Variants in ZAP70 observed in about 807,000 individuals in gnomAD.
ZAP70 encodes the protein zeta chain of T cell receptor associated protein kinase 70, also known as tyrosine-protein kinase ZAP-70.
A neutral mutation model predicts 65.8 loss-of-function variants in ZAP70; 27 were observed. That is an observed-to-expected ratio of 0.41 (90% CI 0.30 to 0.57). ZAP70 has a LOEUF of 0.57. Among genes scored for constraint, ZAP70 ranks in the 20% least tolerant of loss-of-function variants. The pLI is 0.28. For missense variants in ZAP70, 696 were observed against 870.5 expected (o/e 0.80, Z 2.52); for synonymous variants, 363 against 360.8 (o/e 1.01, Z -0.07).
rs574934277 is a variant in ZAP70, at chr2:97,715,710, A to G, written c.-22+1716A>G. On this transcript the variant is annotated intron_variant, in intron 2 of 13. Transcript: ENST00000264972. The surrounding 1 kb of genome is among the most constrained non-coding windows in gnomAD (Gnocchi z 4.1). Reference sequence around the variant, plus strand: ...ATCCTGGTGGCCCCTTGCAGGCTGCATGTTCTGAGAGTGACATTGACCTCT... The same window carrying G: ...ATCCTGGTGGCCCCTTGCAGGCTGCGTGTTCTGAGAGTGACATTGACCTCT... Among the ~76,000 whole-genome samples the G allele has an allele frequency of 2.8e-4, 43 of 152,298 alleles. No homozygotes were observed. Among genetic ancestry groups the G allele is most frequent in the Non-Finnish European group, 5.9e-4 (40 of 68,030 alleles).
chr2:97,724,180 G>A lies in ZAP70; in HGVS notation c.144G>A (p.Leu48=). The part of the protein sequence containing the change: ...QCLRSLGGYV[L]SLVHDVRFHH... ...TGCGCTCGCTGGGCGGCTATGTGCTGTCGCTCGTGCACGATGTGCGCTTCC... is the reference window on the plus strand; with the variant it reads ...TGCGCTCGCTGGGCGGCTATGTGCTATCGCTCGTGCACGATGTGCGCTTCC... The change falls in exon 3 of 14, where the codon CTG becomes CTA. Residue 48 remains leucine, a synonymous_variant. Transcript: ENST00000264972. 1.3e-6 allele frequency: 2 copies of A among 1,593,502 alleles called. No individual in the cohort carries two copies. Among genetic ancestry groups the A allele is most frequent in the Non-Finnish European group, 1.7e-6 (2 of 1,171,406 alleles).
the ZAP70 span, among the ~76,000 whole-genome samples, chr2:97,754,832 C>T: frequency 6.6e-6 from 1 of 152,216 alleles, no homozygotes; most frequent in Non-Finnish European, 1.5e-5. Context: ...TGCAAGTGCA[C>T]GTAGGAAACC....
chr2:97,720,297 G>A (rs1215360202), intron 2 of ZAP70, among the ~76,000 whole-genome samples: 6 of 151,876 alleles, frequency 4.0e-5, no homozygotes, highest in African/African-American at 1.2e-4. Context: ...GTGCGATCTC[G>A]GCTCACTGCA....
At chr2:97,732,835 G>A in intron 4 of ZAP70, 48 bp from the exon 5 acceptor site, 28 of 1,611,688 alleles carry the variant, frequency 1.7e-5, no homozygotes, top group Non-Finnish European at 2.2e-5. Context: ...CACAGCAGGA[G>A]GCCCCCAGGT....
downstream of ZAP70, among the ~76,000 whole-genome samples, chr2:97,743,879 T>C (rs1678186700): frequency 6.6e-6 from 1 of 152,200 alleles, no homozygotes; most frequent in South Asian, 2.1e-4. Flanking sequence ...CTTCATACAT[T>C]AGGGGGCCCT....
the ZAP70 span, among the ~76,000 whole-genome samples, chr2:97,746,315 ATAT>A: frequency 1.3e-5 from 2 of 152,154 alleles, no homozygotes; most frequent in African/African-American, 2.4e-5. Context: ...AAAATGACAA[ATAT>A]TATTAAATAT....
the ZAP70 span, among the ~76,000 whole-genome samples, chr2:97,747,190 C>T: frequency 6.6e-6 from 1 of 152,298 alleles, no homozygotes; most frequent in South Asian, 2.1e-4. Context: ...CCATCTGACC[C>T]AGGAATTCCA....
intron 4 of ZAP70, among the ~76,000 whole-genome samples, chr2:97,725,760 C>A (rs1040812541): frequency 2.0e-5 from 3 of 152,118 alleles, no homozygotes; most frequent in African/African-American, 7.2e-5. Context: ...CAGAAGAGGC[C>A]TTCCTGAGAA....
chr2:97,733,368 G>A (rs1262228977), intron 7 of ZAP70, 25 bp downstream of exon 7: 1 of 1,590,314 alleles, frequency 6.3e-7, no homozygotes, highest in Admixed American at 1.7e-5. Context: ...CCTGGAGTGT[G>A]GCCTTGGGGA....
At chr2:97,753,965 G>A in the ZAP70 span, among the ~76,000 whole-genome samples, 2 of 152,208 alleles carry the variant, frequency 1.3e-5, no homozygotes, top group African/African-American at 4.8e-5. Flanking sequence ...ACTTCAGCCT[G>A]GGCGACAGAG....
intron 2 of ZAP70, among the ~76,000 whole-genome samples, chr2:97,719,373 G>A (rs1334947739): frequency 6.6e-6 from 1 of 151,662 alleles, no homozygotes; most frequent in African/African-American, 2.4e-5. Context: ...TGAGCAGGAT[G>A]GTCAGAGGGC....
the ZAP70 span, among the ~76,000 whole-genome samples, chr2:97,749,924 G>A: frequency 6.6e-6 from 1 of 152,218 alleles, no homozygotes; most frequent in Non-Finnish European, 1.5e-5. Flanking sequence ...CCTGCCAAAT[G>A]AGTTCCATCC....
Position 97,737,629 on chromosome 2 carries a change from C to T in ZAP70, c.1446C>T (p.Leu482=). The change falls in exon 11 of 14, where the codon CTC becomes CTT. Residue 482 remains leucine (L), a synonymous_variant. Coordinates refer to ENST00000264972, the MANE Select transcript of ZAP70 (RefSeq NM_001079.4). The surrounding 1 kb of genome is among the most constrained non-coding windows in gnomAD (Gnocchi z 5.0). ...RHYAKISDFG[L]SKALGADDSY... Reference sequence around the variant, plus strand: ...ACGCCAAGATCAGCGACTTTGGCCTCTCCAAAGCACTGGGTGCCGACGACA... The same window carrying T: ...ACGCCAAGATCAGCGACTTTGGCCTTTCCAAAGCACTGGGTGCCGACGACA... 6.2e-7 allele frequency: 1 copy of T among 1,614,082 alleles called. No homozygotes were observed. Among genetic ancestry groups the T allele is most frequent in the Non-Finnish European group, 8.5e-7 (1 of 1,179,996 alleles).
the ZAP70 span, among the ~76,000 whole-genome samples, chr2:97,745,132 G>A: frequency 6.6e-6 from 1 of 152,088 alleles, no homozygotes; most frequent in South Asian, 2.1e-4. Flanking sequence ...TCTGCCTCCC[G>A]GGCTCAAGCA....
Position 97,739,639 on chromosome 2 carries a change from G to A in ZAP70, c.*141G>A, listed in dbSNP as rs1573293386. On this transcript the variant is annotated 3_prime_UTR_variant, in exon 14 of 14. Coordinates refer to ENST00000264972, the MANE Select transcript of ZAP70 (RefSeq NM_001079.4). ...GGTAGGGGGTGTCTCAGGCCACACC[G>A]GCCTTGCATTGCCTGCCTGGCCCCC... 7.6e-6 allele frequency: 10 copies of A among 1,311,942 alleles called. No individual in the cohort carries two copies. The highest frequency in any genetic ancestry group is 8.3e-6 in the Non-Finnish European group (8 of 964,744). The allele number at this position is 1,311,942 out of a possible 1,614,324, so 81.3% of individuals were successfully genotyped here.
At position 97,734,750 on chromosome 2, in the gene ZAP70, T is replaced by G. The variant is rs1052946031; in HGVS notation, c.1082+38T>G. ...CTGCCGTGGTGGGAGCACCGCCGCCTGGGGCAGAGGGGAGTGGCTTCACCG... is the reference window on the plus strand; with the variant it reads ...CTGCCGTGGTGGGAGCACCGCCGCCGGGGGCAGAGGGGAGTGGCTTCACCG... On this transcript the variant is annotated intron_variant, in intron 9 of 13. Coordinates refer to ENST00000264972, the MANE Select transcript of ZAP70 (RefSeq NM_001079.4). 3 of 1,609,632 alleles carry G rather than the reference T, an allele frequency of 1.9e-6. No individual in the cohort carries two copies. In the African/African-American group the frequency reaches 4.0e-5, roughly 21 times the overall value.
At chr2:97,733,520 C>T (rs761700835) in intron 7 of ZAP70, 24 bp from the exon 8 acceptor site, 2 of 1,613,576 alleles carry the variant, frequency 1.2e-6, no homozygotes, top group South Asian at 1.1e-5. Flanking sequence ...CCAGCTCAGG[C>T]CTTGCTGACC....
intron 2 of ZAP70, among the ~76,000 whole-genome samples, chr2:97,714,432 C>T (rs931195706): frequency 1.2e-4 from 18 of 152,340 alleles, no homozygotes; most frequent in Middle Eastern, 3.4e-3. Context: ...CACTTGTAGG[C>T]GAGCTCAGGT....
At chr2:97,733,447 C>G (rs111487075) in intron 7 of ZAP70, 97 bp from the exon 8 acceptor site, 39 of 1,604,422 alleles carry the variant, frequency 2.4e-5, no homozygotes, top group Non-Finnish European at 3.2e-5. Flanking sequence ...GGAAGAAGCT[C>G]TCTCTCCACT....
Sources: gnomAD v4.1 joint callset for allele counts (sites outside exome capture counted in the v4.1 genomes callset) on GRCh38, gnomAD v4.1.1 for gene constraint, Gnocchi (gnomAD v3.1) non-coding constraint, MANE v1.5 for transcripts, NCBI Gene and HGNC (gene_info 2026-07-23, HGNC 2026-07-21) for gene names.